The following MORC1 variants were observed in gnomAD, a reference collection of about 807,000 sequenced individuals.
The protein encoded by MORC1 is MORC family CW-type zinc finger protein 1.
MORC1 carries 59 observed loss-of-function variants against 134.9 expected under a neutral mutation model. The ratio of observed to expected loss-of-function variants is 0.44; its 90% CI spans 0.35 to 0.54. MORC1 has a LOEUF of 0.54. Ranked by LOEUF, MORC1 falls within the 20% of genes least tolerant of loss-of-function variation. The pLI, the probability that MORC1 is intolerant of heterozygous loss-of-function variation, is 0.00. For synonymous variants in MORC1, 395 were observed against 391.7 expected, an observed-to-expected ratio of 1.01 and a Z score of -0.10; for missense variants, 947 against 1,134.5, an observed-to-expected ratio of 0.83 and a Z score of 2.37.
At chr3:109,018,616 TG>T (rs1289294016) in intron 17 of MORC1, among the ~76,000 whole-genome samples, 1 of 152,180 alleles carries the variant, frequency 6.6e-6, no homozygotes. Context: ...GTTCTTTGCC[TG>T]CAGTACAAAT....
At chr3:109,013,255 G>C (rs1450720853) in intron 17 of MORC1, among the ~76,000 whole-genome samples, 1 of 151,930 alleles carries the variant, frequency 6.6e-6, no homozygotes, top group Admixed American at 6.6e-5. Flanking sequence ...TATCTGTTTA[G>C]ATGCTACACT....
chr3:109,039,919 C>T (rs1949469915), intron 14 of MORC1, among the ~76,000 whole-genome samples: 1 of 152,008 alleles, frequency 6.6e-6, no homozygotes, highest in African/African-American at 2.4e-5. Context: ...ATCTCCTTTT[C>T]ACCTTATGGA....
chr3:108,959,255 T>C (rs368394438), intron 27 of MORC1, 135 bp from the exon 28 acceptor site: 6 of 653,574 alleles, frequency 9.2e-6, no homozygotes, highest in East Asian at 6.7e-5. Context: ...ATCATGCTTT[T>C]AACCTTTCAA....
chr3:109,068,499 T>C (rs531086782), intron 9 of MORC1, among the ~76,000 whole-genome samples: 2 of 152,326 alleles, frequency 1.3e-5, no homozygotes, highest in Admixed American at 1.3e-4. Context: ...AGAATAATAG[T>C]CTCCAATCTC....
chr3:109,034,888 A>G (rs1949337977), intron 15 of MORC1, among the ~76,000 whole-genome samples: 1 of 152,112 alleles, frequency 6.6e-6, no homozygotes, highest in African/African-American at 2.4e-5. Context: ...AGCTGCGACC[A>G]CAGGTGTGCA....
intron 3 of MORC1, among the ~76,000 whole-genome samples, chr3:109,106,475 C>T (rs1951039500): frequency 6.6e-6 from 1 of 152,140 alleles, no homozygotes; most frequent in Non-Finnish European, 1.5e-5. Flanking sequence ...ATTTCAATTC[C>T]TTAAAACTAT....
Position 109,118,109 on chromosome 3 carries a change from G to T in MORC1, c.-50C>A. 1 of 1,569,472 alleles carries T rather than the reference G, an allele frequency of 6.4e-7. No individual in the cohort carries two copies. On this transcript the variant is annotated 5_prime_UTR_variant, in exon 1 of 28. Coordinates refer to ENST00000232603, the MANE Select transcript of MORC1 (RefSeq NM_014429.4). Reference sequence around the variant, plus strand: ...TCAAGGGGACAAGGACACCTGACCGGCAGCCGTTCGCCTGCGCCCGCGCCC... The same window carrying T: ...TCAAGGGGACAAGGACACCTGACCGTCAGCCGTTCGCCTGCGCCCGCGCCC...
At chr3:109,087,534 C>T (rs1463424175) in intron 8 of MORC1, among the ~76,000 whole-genome samples, 1 of 151,988 alleles carries the variant, frequency 6.6e-6, no homozygotes, top group Non-Finnish European at 1.5e-5. Context: ...TGAAAGATTT[C>T]CACAAGGAGA....
At chr3:108,969,337 A>AT (rs1947309470) in intron 26 of MORC1, among the ~76,000 whole-genome samples, 1 of 152,244 alleles carries the variant, frequency 6.6e-6, no homozygotes, top group Admixed American at 6.5e-5. Context: ...ATTGTTGGAA[A>AT]TAATTTAAAA....
intron 14 of MORC1, among the ~76,000 whole-genome samples, chr3:109,051,695 A>G (rs1042161251): frequency 6.6e-6 from 1 of 152,192 alleles, no homozygotes; most frequent in African/African-American, 2.4e-5. Flanking sequence ...AATAATAAAA[A>G]CACAAATATA....
At chr3:109,017,430 T>C (rs926488792) in intron 17 of MORC1, among the ~76,000 whole-genome samples, 2 of 152,194 alleles carry the variant, frequency 1.3e-5, no homozygotes, top group African/African-American at 4.8e-5. Flanking sequence ...AATTTGCACA[T>C]GTTAAGTGTA....
chr3:108,973,747 C>T (rs897105272), intron 24 of MORC1, among the ~76,000 whole-genome samples: 54 of 151,750 alleles, frequency 3.6e-4, no homozygotes, highest in African/African-American at 1.3e-3. Context: ...CAGGCGCACG[C>T]CACCACACCC....
At chr3:109,064,929 C>G (rs1384522331) in intron 9 of MORC1, among the ~76,000 whole-genome samples, 1 of 152,152 alleles carries the variant, frequency 6.6e-6, no homozygotes, top group East Asian at 1.9e-4. Context: ...CTCTATCATT[C>G]TGAAGATTTT....
At chr3:109,041,690 T>C (rs763047192) in intron 14 of MORC1, among the ~76,000 whole-genome samples, 6 of 151,958 alleles carry the variant, frequency 3.9e-5, no homozygotes, top group Admixed American at 1.3e-4. Context: ...CTACTAAAAA[T>C]ACAAAAGTTA....
chr3:108,962,683 G>C (rs763528922), intron 27 of MORC1, among the ~76,000 whole-genome samples: 2 of 152,148 alleles, frequency 1.3e-5, no homozygotes, highest in African/African-American at 2.4e-5. Flanking sequence ...GAATCCACAG[G>C]AAGACTTTCA....
At chr3:109,023,678 C>T (rs868702604) in intron 17 of MORC1, among the ~76,000 whole-genome samples, 2 of 152,134 alleles carry the variant, frequency 1.3e-5, no homozygotes, top group Admixed American at 6.5e-5. Context: ...TAAGTTAAAT[C>T]TGAGAAAGAG....
At chr3:109,087,870 A>G (rs1950646336) in intron 8 of MORC1, among the ~76,000 whole-genome samples, 1 of 152,136 alleles carries the variant, frequency 6.6e-6, no homozygotes, top group Admixed American at 6.5e-5. Context: ...TACTGGTACA[A>G]AAACAGACAC....
rs1228198174 is a variant in MORC1, at chr3:109,095,082, AAC to A, written c.424-16_424-15del. ...TGGAACTACAACCTATTTAAAAAAA[AAC>A]ACATCAATTTACTATGAAATACACA... On this transcript the variant is annotated splice_polypyrimidine_tract_variant and intron_variant, in intron 6 of 27. Transcript: ENST00000232603. The A allele has an allele frequency of 1.4e-5, 22 of 1,561,714 alleles. No individual in the cohort carries two copies. The highest frequency in any genetic ancestry group is 1.9e-5 in the Non-Finnish European group (22 of 1,162,718).
At chr3:109,023,232 A>G (rs1949001505) in intron 17 of MORC1, among the ~76,000 whole-genome samples, 1 of 152,232 alleles carries the variant, frequency 6.6e-6, no homozygotes, top group South Asian at 2.1e-4. Context: ...ATGGAAGTGA[A>G]CACTTGTAAG....
Sources: allele counts gnomAD v4.1 joint callset (sites outside exome capture counted in the v4.1 genomes callset), GRCh38; gene constraint gnomAD v4.1.1; transcripts MANE v1.5; gene names NCBI Gene and HGNC (gene_info 2026-07-23, HGNC 2026-07-21).